The following PCSK5 variants were observed in gnomAD, a reference collection of about 807,000 sequenced individuals.
PCSK5 encodes the protein prohormone convertase 5.
In PCSK5, 129 loss-of-function variants were observed where a neutral mutation model predicts 233.2. The observed-to-expected ratio is 0.55, with a 90% CI of 0.48 to 0.64. The LOEUF is 0.64. Ranked by LOEUF, PCSK5 falls within the 30% of genes least tolerant of loss-of-function variation. The pLI is 0.00. For synonymous variants in PCSK5, 825 were observed against 879.2 expected, an observed-to-expected ratio of 0.94 and a Z score of 1.09; for missense variants, 2,076 against 2,430.1, an observed-to-expected ratio of 0.85 and a Z score of 3.06.
chr9:75,951,746 A>G (rs34766778), intron 2 of PCSK5, among the ~76,000 whole-genome samples: 8,395 of 152,080 alleles, frequency 0.055, 271 homozygotes, highest in Middle Eastern at 0.11. Flanking sequence ...TAAAATAATA[A>G]TAAAATAAAT....
intron 7 of PCSK5, among the ~76,000 whole-genome samples, chr9:76,093,025 TG>T (rs1831359369): frequency 6.6e-6 from 1 of 151,668 alleles, no homozygotes; most frequent in Non-Finnish European, 1.5e-5. Flanking sequence ...CTTTATGGTA[TG>T]CATGGAAATG....
intron 3 of PCSK5, among the ~76,000 whole-genome samples, chr9:75,993,250 A>G (rs1360042224): frequency 6.6e-6 from 1 of 152,084 alleles, no homozygotes; most frequent in African/African-American, 2.4e-5. Flanking sequence ...GAGAAAGGAC[A>G]GATGCCAGTG....
At chr9:76,274,963 C>T (rs913209211) in intron 24 of PCSK5, among the ~76,000 whole-genome samples, 1 of 152,044 alleles carries the variant, frequency 6.6e-6, no homozygotes, top group Non-Finnish European at 1.5e-5. Context: ...AAGCAGCCCT[C>T]ATAGGAACTC....
chr9:76,087,131 C>T (rs1353436376), intron 7 of PCSK5, among the ~76,000 whole-genome samples: 1 of 152,166 alleles, frequency 6.6e-6, no homozygotes, highest in Admixed American at 6.5e-5. Context: ...AGCCAAGGGT[C>T]ACACCAACTT....
At chr9:76,041,725 G>A (rs1829127920) in intron 5 of PCSK5, among the ~76,000 whole-genome samples, 2 of 151,560 alleles carry the variant, frequency 1.3e-5, no homozygotes, top group Non-Finnish European at 1.5e-5. Flanking sequence ...TGTAGTCCCA[G>A]CTACTCAGGA....
intron 9 of PCSK5, among the ~76,000 whole-genome samples, chr9:76,110,737 G>A (rs1358245159): frequency 1.3e-5 from 2 of 152,160 alleles, no homozygotes; most frequent in Non-Finnish European, 2.9e-5. Flanking sequence ...GAAGTGGAAT[G>A]AAATACAAAA....
At chr9:76,038,897 T>C (rs1264497745) in intron 5 of PCSK5, among the ~76,000 whole-genome samples, 3 of 152,174 alleles carry the variant, frequency 2.0e-5, no homozygotes, top group African/African-American at 7.2e-5. Flanking sequence ...CTTCCATAGG[T>C]TGATTTTTAT....
intron 16 of PCSK5, among the ~76,000 whole-genome samples, chr9:76,183,105 A>G (rs912754124): frequency 1.3e-5 from 2 of 152,178 alleles, no homozygotes; most frequent in Non-Finnish European, 2.9e-5. Flanking sequence ...ATCCACAGAA[A>G]TATGCAGTAT....
chr9:76,296,651 G>A lies in PCSK5; in HGVS notation c.3323-14G>A, dbSNP rs756031251. ...ACTAAAGCCTTCATGCTTTCTCTCTGTGTTCTCACATAGGTGGCAGTTGTG... is the reference window on the plus strand; with the variant it reads ...ACTAAAGCCTTCATGCTTTCTCTCTATGTTCTCACATAGGTGGCAGTTGTG... On this transcript the variant is annotated splice_polypyrimidine_tract_variant and intron_variant, in intron 26 of 37. Coordinates refer to ENST00000674117, the MANE Select transcript of PCSK5 (RefSeq NM_001372043.1). The A allele has an allele frequency of 8.2e-6, 13 of 1,580,968 alleles. No homozygotes were observed. The highest frequency in any genetic ancestry group is 1.1e-5 in the Non-Finnish European group (13 of 1,151,144).
At chr9:76,351,501 A>AAAG (rs1830142793) in intron 36 of PCSK5, among the ~76,000 whole-genome samples, 1 of 116,150 alleles carries the variant, frequency 8.6e-6, no homozygotes, top group African/African-American at 3.0e-5. Context: ...AGAAAGAAAG[A>AAAG]AAGAAAGAAA....
intron 2 of PCSK5, among the ~76,000 whole-genome samples, chr9:75,975,372 A>G (rs11144705): frequency 0.084 from 12,852 of 152,252 alleles, 655 homozygotes; most frequent in Middle Eastern, 0.17. Flanking sequence ...CTTATGAGCT[A>G]TGGAATTAAG....
rs374930773 is a variant in PCSK5 at position 75,953,820 on chromosome 9, G to GA, written c.297+21347dup. On this transcript the variant is annotated intron_variant, in intron 2 of 37. Transcript: ENST00000674117. ...TCAGAGTAATTAGACCTTAGTAAAA[G>GA]AAAAAAAAAATATGAGTATGTGGTT... 5.8e-3 allele frequency among the ~76,000 whole-genome samples: 855 copies of GA among 148,158 alleles called. 6 individuals are homozygous for GA. The highest frequency in any genetic ancestry group is 0.038 in the Middle Eastern group (11 of 288).
At chr9:75,961,115 A>G (rs780121860) in intron 2 of PCSK5, among the ~76,000 whole-genome samples, 2 of 152,200 alleles carry the variant, frequency 1.3e-5, no homozygotes, top group Non-Finnish European at 2.9e-5. Context: ...TCTATCAGCT[A>G]CTGTTGCTAC....
intron 27 of PCSK5, among the ~76,000 whole-genome samples, chr9:76,297,876 G>A (rs907120628): frequency 9.9e-5 from 15 of 152,140 alleles, no homozygotes; most frequent in Non-Finnish European, 2.1e-4. Flanking sequence ...TACTACGGCA[G>A]TTTTACACAT....
chr9:76,141,693 T>A (rs1823233179), intron 10 of PCSK5, among the ~76,000 whole-genome samples: 1 of 152,142 alleles, frequency 6.6e-6, no homozygotes, highest in African/African-American at 2.4e-5. Context: ...GAGATTGTCT[T>A]TTGTAGGCTT....
chr9:75,973,029 A>G (rs758807330), intron 2 of PCSK5, among the ~76,000 whole-genome samples: 2 of 152,142 alleles, frequency 1.3e-5, no homozygotes, highest in Non-Finnish European at 2.9e-5. Context: ...GTCCCTTACA[A>G]TCATGTGACT....
chr9:75,906,743 G>A (rs1826280609), intron 1 of PCSK5, among the ~76,000 whole-genome samples: 1 of 152,198 alleles, frequency 6.6e-6, no homozygotes, highest in Non-Finnish European at 1.5e-5. Flanking sequence ...GAAGCCACCA[G>A]TAGCTCCCAT....
At chr9:76,179,791 T>A in intron 15 of PCSK5, 93 bp downstream of exon 15, 1 of 833,870 alleles carries the variant, frequency 1.2e-6, no homozygotes, top group Non-Finnish European at 2.0e-6. Context: ...TGCAGGCCAC[T>A]GGCATCTTCC....
chr9:76,239,141 T>A lies in PCSK5; in HGVS notation c.3049T>A (p.Cys1017Ser). ...GYFIAPTNHT[C>S]QKLECGQGEV... is the part of the protein sequence containing the mutation. The stretch of plus-strand genomic sequence containing the variant: ...CTTCATAGCGCCCACCAACCACACA[T>A]GCCAGAAGTTAGAGTGTGGACAAGG... The change falls in exon 23 of 38, where the codon TGC (cysteine) becomes AGC (serine). Residue 1017 changes from cysteine to serine, a missense_variant. This residue lies in a region of PCSK5 where 1,510 missense variants were observed against 1,538.1 expected (regional missense o/e 0.98). Coordinates refer to ENST00000674117, the MANE Select transcript of PCSK5 (RefSeq NM_001372043.1). The A allele has an allele frequency of 1.3e-6, 2 of 1,589,438 alleles. No homozygotes were observed. The highest frequency in any genetic ancestry group is 1.7e-6 in the Non-Finnish European group (2 of 1,168,186).
Sources: gnomAD v4.1 joint callset for allele counts (sites outside exome capture counted in the v4.1 genomes callset) on GRCh38, gnomAD v4.1.1 for gene constraint, gnomAD v4.1.1 regional missense constraint, MANE v1.5 for transcripts, NCBI Gene and HGNC (gene_info 2026-07-23, HGNC 2026-07-21) for gene names.